Variants in PRKG1 observed in about 807,000 individuals in gnomAD.
PRKG1 encodes protein kinase cGMP-dependent 1.
PRKG1 carries 35 observed loss-of-function variants against 88.1 expected under a neutral mutation model. That is an observed-to-expected ratio of 0.40 (90% confidence interval 0.30 to 0.53). The LOEUF (loss-of-function observed/expected upper bound fraction) is 0.53, where lower values mean the gene tolerates loss of function less well. PRKG1 is among the 20% of genes least tolerant of loss of function. The pLI, the probability that PRKG1 is intolerant of heterozygous loss-of-function variation, is 0.59. For synonymous variants in PRKG1, 303 were observed against 292.5 expected, an observed-to-expected ratio of 1.04 and a Z score of -0.37; for missense variants, 540 against 839.8, an observed-to-expected ratio of 0.64 and a Z score of 4.41.
At chr10:51,000,196 C>A (rs1341180187) in intron 1 of PRKG1, among the ~76,000 whole-genome samples, 1 of 152,156 alleles carries the variant, frequency 6.6e-6, no homozygotes, top group East Asian at 1.9e-4. Flanking sequence ...GCTTAAAAAT[C>A]AAAATTCATG....
At chr10:51,045,424 C>T (rs1215166793) in intron 1 of PRKG1, among the ~76,000 whole-genome samples, 5 of 152,026 alleles carry the variant, frequency 3.3e-5, no homozygotes, top group African/African-American at 4.8e-5. Flanking sequence ...TGGCTTCAAG[C>T]GATTCTCCTG....
intron 2 of PRKG1, among the ~76,000 whole-genome samples, chr10:51,179,873 A>T (rs1837299590): frequency 6.6e-6 from 1 of 152,200 alleles, no homozygotes; most frequent in African/African-American, 2.4e-5. Flanking sequence ...TTTATCTGCA[A>T]AATGAAAATA....
intron 2 of PRKG1, among the ~76,000 whole-genome samples, chr10:51,299,839 T>G (rs2043555): frequency 0.25 from 37,509 of 152,080 alleles, 4,711 homozygotes; most frequent in Admixed American, 0.37. Flanking sequence ...AAGTCAGGAT[T>G]GAATTTTGTG....
intron 2 of PRKG1, among the ~76,000 whole-genome samples, chr10:51,300,915 T>A (rs1840866475): frequency 5.3e-5 from 8 of 152,230 alleles, no homozygotes; most frequent in Admixed American, 5.2e-4. Flanking sequence ...GCCTTTCTTT[T>A]CCTGTATAAA....
chr10:51,787,784 C>T (rs962010835), intron 3 of PRKG1, among the ~76,000 whole-genome samples: 1 of 152,082 alleles, frequency 6.6e-6, no homozygotes, highest in Non-Finnish European at 1.5e-5. Flanking sequence ...TTATCTTTTG[C>T]TCTTATTTTA....
intron 12 of PRKG1, 105 bp downstream of exon 12, chr10:52,272,586 A>G (rs1841759906): frequency 1.3e-6 from 1 of 788,706 alleles, no homozygotes; most frequent in Admixed American, 2.7e-5. Context: ...TTTATAATTT[A>G]CACATGCTTA....
chr10:51,839,372 C>T (rs1840211004), intron 4 of PRKG1, among the ~76,000 whole-genome samples: 1 of 152,130 alleles, frequency 6.6e-6, no homozygotes, highest in African/African-American at 2.4e-5. Context: ...CTTCTACTTC[C>T]CCCATGCCCA....
chr10:51,659,303 T>C (rs546032419), intron 3 of PRKG1, among the ~76,000 whole-genome samples: 20 of 152,220 alleles, frequency 1.3e-4, no homozygotes, highest in African/African-American at 4.8e-4. Flanking sequence ...TCAAATGTGC[T>C]ACAGAGGGTA....
chr10:51,582,994 G>A (rs73341636), intron 3 of PRKG1, among the ~76,000 whole-genome samples: 1,539 of 152,222 alleles, frequency 0.01, 33 homozygotes, highest in African/African-American at 0.034. Context: ...CTGTAGTGAT[G>A]TAGCTGGCAA....
At chr10:51,553,826 TATATA>T (rs1221182359) in intron 3 of PRKG1, among the ~76,000 whole-genome samples, 3 of 101,228 alleles carry the variant, frequency 3.0e-5, no homozygotes, top group South Asian at 4.3e-4. Context: ...TAGATACGTG[TATATA>T]ATATATGTAT....
At chr10:51,572,028 A>G (rs889132700) in intron 3 of PRKG1, among the ~76,000 whole-genome samples, 65 of 152,008 alleles carry the variant, frequency 4.3e-4, no homozygotes, top group African/African-American at 1.5e-3. Flanking sequence ...AAAGTTTCAC[A>G]TTTGTTGGTT....
chr10:51,675,613 T>C (rs1840690915), intron 3 of PRKG1, among the ~76,000 whole-genome samples: 1 of 152,224 alleles, frequency 6.6e-6, no homozygotes, highest in Admixed American at 6.5e-5. Context: ...GATGTCTAGT[T>C]ACTTATCTAC....
At chr10:51,273,478 C>T (rs368216376) in intron 2 of PRKG1, among the ~76,000 whole-genome samples, 45 of 152,146 alleles carry the variant, frequency 3.0e-4, no homozygotes, top group African/African-American at 1.0e-3. Flanking sequence ...GAGCCATGAT[C>T]GCGCCACTGG....
intron 3 of PRKG1, among the ~76,000 whole-genome samples, chr10:51,699,980 T>A (rs571273971): frequency 6.6e-6 from 1 of 152,264 alleles, no homozygotes; most frequent in Non-Finnish European, 1.5e-5. Context: ...GAAAGCGGAT[T>A]TAAGGCGGCG....
chr10:51,480,654 T>C (rs373944520), intron 3 of PRKG1, among the ~76,000 whole-genome samples: 1 of 152,164 alleles, frequency 6.6e-6, no homozygotes, highest in Admixed American at 6.6e-5. Context: ...ACCTTGACTT[T>C]AGTACTGGTA....
chr10:51,250,935 G>T (rs1021189471), intron 2 of PRKG1, among the ~76,000 whole-genome samples: 1 of 151,674 alleles, frequency 6.6e-6, no homozygotes, highest in Admixed American at 6.6e-5. Flanking sequence ...CTGAGGTGCT[G>T]GGAGAATACA....
intron 4 of PRKG1, among the ~76,000 whole-genome samples, chr10:51,817,347 A>ACCCCCCC (rs367740899): frequency 7.2e-4 from 93 of 129,676 alleles, no homozygotes; most frequent in Non-Finnish European, 1.1e-3. Flanking sequence ...TCCCTCCCCA[A>ACCCCCCC]CCCCCCCCCT....
At chr10:52,165,326 T>A (rs772840339) in intron 9 of PRKG1, among the ~76,000 whole-genome samples, 7 of 152,224 alleles carry the variant, frequency 4.6e-5, no homozygotes, top group African/African-American at 7.2e-5. Context: ...CTAGTTGAAC[T>A]ATCAAGTTTA....
In PRKG1 at chr10:51,944,063, G is replaced by A. The variant is rs553922420; in HGVS notation, c.762+36493G>A. 6.5e-4 allele frequency among the ~76,000 whole-genome samples: 99 copies of A among 152,040 alleles called. 1 individual carries two copies. The highest frequency in any genetic ancestry group is 3.4e-3 in the Middle Eastern group (1 of 292). On this transcript the variant is annotated intron_variant, in intron 5 of 17. Coordinates refer to ENST00000373980, the MANE Select transcript of PRKG1 (RefSeq NM_006258.4). Reference sequence around the variant, plus strand: ...CCTCCTTGTACCTCTGGTAGAATTCGGCTGTGAATCCATCTGGTCCTGGAC... The same window carrying A: ...CCTCCTTGTACCTCTGGTAGAATTCAGCTGTGAATCCATCTGGTCCTGGAC...
Sources: gnomAD v4.1 joint callset for allele counts (sites outside exome capture counted in the v4.1 genomes callset) on GRCh38, gnomAD v4.1.1 for gene constraint, MANE v1.5 for transcripts, NCBI Gene and HGNC (gene_info 2026-07-23, HGNC 2026-07-21) for gene names.